WDR70: variants seen among roughly 807,000 people sequenced by gnomAD.
WDR70 encodes WD repeat domain 70.
Under a neutral mutation model 88.6 loss-of-function variants are expected in WDR70, and 53 were observed. The observed-to-expected ratio is 0.60, with a 90% CI of 0.48 to 0.75. WDR70 has a LOEUF of 0.75. Ranked by LOEUF, WDR70 falls within the 30% of genes least tolerant of loss-of-function variation. WDR70 has a pLI of 0.00. For missense variants in WDR70, 610 were observed against 823.2 expected (o/e 0.74, Z 3.17); for synonymous variants, 280 against 270.0 (o/e 1.04, Z -0.36).
At chr5:37,682,715 A>G (rs1489752094) in intron 10 of WDR70, among the ~76,000 whole-genome samples, 2 of 152,170 alleles carry the variant, frequency 1.3e-5, no homozygotes, top group Non-Finnish European at 2.9e-5. Context: ...TTCAGTTTCC[A>G]TATAATTGTA....
chr5:37,650,406 A>C (rs1745369681), intron 10 of WDR70, among the ~76,000 whole-genome samples: 1 of 152,112 alleles, frequency 6.6e-6, no homozygotes, highest in African/African-American at 2.4e-5. Context: ...GTCAAAAAAA[A>C]GAAAGAGAAA....
At chr5:37,569,929 CTG>C (rs1355643581) in intron 9 of WDR70, among the ~76,000 whole-genome samples, 1 of 152,080 alleles carries the variant, frequency 6.6e-6, no homozygotes, top group Admixed American at 6.6e-5. Flanking sequence ...GGCAAGATAA[CTG>C]TGTAATTATG....
At chr5:37,408,349 C>T (rs1749418565) in intron 5 of WDR70, among the ~76,000 whole-genome samples, 1 of 152,044 alleles carries the variant, frequency 6.6e-6, no homozygotes. Context: ...TGGCACACGC[C>T]TGTAATCCCA....
chr5:37,425,696 T>C (rs1750104095), intron 5 of WDR70, among the ~76,000 whole-genome samples: 1 of 152,206 alleles, frequency 6.6e-6, no homozygotes, highest in Admixed American at 6.5e-5. Flanking sequence ...TTAGTTTGTC[T>C]ATAATTATAA....
chr5:37,664,331 G>A (rs928933743), intron 10 of WDR70, among the ~76,000 whole-genome samples: 1 of 152,174 alleles, frequency 6.6e-6, no homozygotes, highest in African/African-American at 2.4e-5. Flanking sequence ...GCCACTAATG[G>A]TTTGATCTCT....
intron 10 of WDR70, among the ~76,000 whole-genome samples, chr5:37,677,084 C>G (rs1258973621): frequency 6.6e-6 from 1 of 151,860 alleles, no homozygotes; most frequent in Non-Finnish European, 1.5e-5. Flanking sequence ...GGTGATATCC[C>G]CTTTATTATT....
At chr5:37,732,763 G>C (rs1748185170) in intron 17 of WDR70, among the ~76,000 whole-genome samples, 1 of 151,934 alleles carries the variant, frequency 6.6e-6, no homozygotes, top group Admixed American at 6.6e-5. Context: ...TATCATGTAT[G>C]GCAAATATTT....
chr5:37,562,645 G>A (rs1430547904), intron 9 of WDR70, among the ~76,000 whole-genome samples: 3 of 152,094 alleles, frequency 2.0e-5, no homozygotes, highest in Non-Finnish European at 4.4e-5. Context: ...GAGTGGTGAT[G>A]ACTCTTAACG....
At chr5:37,685,838 C>T (rs1206760452) in intron 10 of WDR70, among the ~76,000 whole-genome samples, 2 of 152,124 alleles carry the variant, frequency 1.3e-5, no homozygotes, top group East Asian at 3.9e-4. Flanking sequence ...TTCACCTGCT[C>T]CCCAGGAGTC....
At chr5:37,665,869 TC>T (rs1279482593) in intron 10 of WDR70, among the ~76,000 whole-genome samples, 1 of 152,306 alleles carries the variant, frequency 6.6e-6, no homozygotes, top group Admixed American at 6.5e-5. Context: ...CCCAGCATCC[TC>T]TTTTCCCTGG....
intron 10 of WDR70, among the ~76,000 whole-genome samples, chr5:37,631,375 A>G (rs950292368): frequency 6.6e-6 from 1 of 152,162 alleles, no homozygotes; most frequent in Non-Finnish European, 1.5e-5. Flanking sequence ...TGACCAGATA[A>G]TTCATCTCCT....
intron 8 of WDR70, among the ~76,000 whole-genome samples, chr5:37,489,652 C>T (rs1474658945): frequency 1.3e-5 from 2 of 152,080 alleles, no homozygotes; most frequent in Non-Finnish European, 2.9e-5. Flanking sequence ...TCTGGTAGTA[C>T]ACACTCCTGC....
intron 3 of WDR70, among the ~76,000 whole-genome samples, chr5:37,388,236 C>T (rs1402962044): frequency 2.6e-5 from 4 of 151,674 alleles, no homozygotes; most frequent in Non-Finnish European, 5.9e-5. Context: ...TCTTCCTCAG[C>T]CCCCTGAGTA....
At chr5:37,741,730 G>A (rs891597593) in intron 17 of WDR70, among the ~76,000 whole-genome samples, 1 of 151,922 alleles carries the variant, frequency 6.6e-6, no homozygotes, top group African/African-American at 2.4e-5. Context: ...AGCAGTCTGG[G>A]GGTTGGGGAC....
In WDR70 at chr5:37,670,822, C is replaced by T. The variant is rs141192766; in HGVS notation, c.1093-26833C>T. On this transcript the variant is annotated intron_variant, in intron 10 of 17. Transcript: ENST00000265107. Reference sequence around the variant, plus strand: ...TTTTCCCTCACTGAAATGAAACCTTCACGGAATGGGGTCTTTATTTTGTTC... The same window carrying T: ...TTTTCCCTCACTGAAATGAAACCTTTACGGAATGGGGTCTTTATTTTGTTC... Among the ~76,000 whole-genome samples the T allele has an allele frequency of 1.0e-3, 159 of 152,308 alleles. 5 individuals carry two copies. In the East Asian group the frequency reaches 0.027, roughly 26 times the overall value.
intron 7 of WDR70, among the ~76,000 whole-genome samples, chr5:37,457,300 T>A (rs1047583531): frequency 2.0e-5 from 3 of 152,204 alleles, no homozygotes; most frequent in African/African-American, 7.2e-5. Flanking sequence ...TTCACCATGT[T>A]GGCCAGGCTG....
At chr5:37,390,496 C>G (rs547784458) in intron 3 of WDR70, among the ~76,000 whole-genome samples, 1 of 151,820 alleles carries the variant, frequency 6.6e-6, no homozygotes, top group African/African-American at 2.4e-5. Flanking sequence ...CCGGCCACTA[C>G]GCCTGGCTAA....
At chr5:37,703,544 G>A (rs954487250) in intron 13 of WDR70, among the ~76,000 whole-genome samples, 2 of 152,200 alleles carry the variant, frequency 1.3e-5, no homozygotes, top group Admixed American at 6.5e-5. Context: ...CTCAGCTTGC[G>A]CTGAACTTAA....
At chr5:37,669,993 G>A (rs1306835736) in intron 10 of WDR70, among the ~76,000 whole-genome samples, 2 of 152,148 alleles carry the variant, frequency 1.3e-5, no homozygotes, top group African/African-American at 2.4e-5. Flanking sequence ...AACTAAATTA[G>A]TGGTTGCTTA....
Sources: gnomAD v4.1 joint callset for allele counts (sites outside exome capture counted in the v4.1 genomes callset) on GRCh38, gnomAD v4.1.1 for gene constraint, MANE v1.5 for transcripts, NCBI Gene and HGNC (gene_info 2026-07-23, HGNC 2026-07-21) for gene names.